Variants in TBC1D2B observed in about 807,000 individuals in gnomAD.
The protein encoded by TBC1D2B is TBC1 domain family, member 2B.
Under a neutral mutation model 100.8 loss-of-function variants are expected in TBC1D2B, and 64 were observed. The observed-to-expected ratio is 0.64, with a 90% CI of 0.52 to 0.78. The LOEUF is 0.78. Among genes scored for constraint, TBC1D2B ranks in the 30% least tolerant of loss-of-function variants. TBC1D2B has a pLI of 0.00. For missense variants in TBC1D2B, 1,052 were observed against 1,218.4 expected (o/e 0.86, Z 2.03); for synonymous variants, 480 against 479.7 (o/e 1.00, Z -0.01).
At chr15:78,067,374 G>C (rs75866929) in intron 1 of TBC1D2B, among the ~76,000 whole-genome samples, 8,909 of 152,264 alleles carry the variant, frequency 0.059, 368 homozygotes, top group East Asian at 0.24. Flanking sequence ...CAGAGGCAAA[G>C]CTTGACTCCT....
chr15:78,000,738 C>T (rs74027705), intron 12 of TBC1D2B, among the ~76,000 whole-genome samples: 7,776 of 152,338 alleles, frequency 0.051, 398 homozygotes, highest in African/African-American at 0.12. Context: ...GACATACAGA[C>T]GAGGATGGCC....
intron 1 of TBC1D2B, among the ~76,000 whole-genome samples, chr15:78,071,524 T>C (rs918625674): frequency 6.6e-6 from 1 of 152,134 alleles, no homozygotes; most frequent in African/African-American, 2.4e-5. Flanking sequence ...GCATGAAATA[T>C]ATGAGACCCG....
chr15:78,059,729 T>C (rs1952800169), intron 1 of TBC1D2B, among the ~76,000 whole-genome samples: 3 of 152,168 alleles, frequency 2.0e-5, no homozygotes, highest in African/African-American at 7.2e-5. Flanking sequence ...AGACAGGCCC[T>C]GGCCACCTGT....
chr15:78,069,782 C>T (rs1021702790), intron 1 of TBC1D2B, among the ~76,000 whole-genome samples: 1 of 152,162 alleles, frequency 6.6e-6, no homozygotes, highest in African/African-American at 2.4e-5. Context: ...ATGGAGGCCC[C>T]AGAAGGAACT....
chr15:78,001,951 A>C (rs2071926568), intron 11 of TBC1D2B: 1 of 444,446 alleles, frequency 2.2e-6, no homozygotes, highest in African/African-American at 2.0e-5. Flanking sequence ...GCTGGTTTTC[A>C]ACAACACATC....
chr15:78,008,119 T>TA lies in TBC1D2B; in HGVS notation c.2388+877dup, dbSNP rs907084136. ...CTGGGCCACATGCGAAGGGCCGGCT[T>TA]ACGGGGAAGCCAGTGCTGGCAGCAG... On this transcript the variant is annotated intron_variant, in intron 10 of 12. Transcript: ENST00000300584. Among the ~76,000 whole-genome samples, 14 of 152,296 alleles carry TA rather than the reference T, an allele frequency of 9.2e-5. No homozygotes were observed. The South Asian group carries it at 2.5e-3, about 27-fold the overall frequency.
At position 78,003,382 on chromosome 15, in the gene TBC1D2B, G is replaced by A. The variant is rs2071969495; in HGVS notation, c.2497C>T (p.Leu833=). ...DYTLITFNWF[L]VVFVDSVVSD... ...ACGACACTATCCACAAATACCACCA[G>A]AAACCAGTTGAAAGTGATGAGAGTG... Residue 833 remains leucine, a synonymous_variant, in exon 11 of 13, where the codon CTG becomes TTG. Transcript: ENST00000300584. 6.2e-7 allele frequency: 1 copy of A among 1,613,924 alleles called. No homozygotes were observed. Among genetic ancestry groups the A allele is most frequent in the South Asian group, 1.1e-5 (1 of 91,082 alleles).
chr15:78,009,838 G>T (rs183075908), intron 9 of TBC1D2B, among the ~76,000 whole-genome samples: 1 of 151,698 alleles, frequency 6.6e-6, no homozygotes, highest in African/African-American at 2.4e-5. Context: ...AGCCAGGCGC[G>T]GTGGCGGGCG....
intron 1 of TBC1D2B, chr15:78,066,170 A>G (rs1235024589): frequency 4.5e-6 from 2 of 442,496 alleles, no homozygotes; most frequent in South Asian, 1.6e-5. Flanking sequence ...CACCATGATC[A>G]GCAAAGGGGA....
intron 1 of TBC1D2B, among the ~76,000 whole-genome samples, chr15:78,073,765 T>G (rs950455992): frequency 6.6e-6 from 1 of 151,668 alleles, no homozygotes; most frequent in African/African-American, 2.4e-5. Flanking sequence ...AGGTCAGGAG[T>G]TCGAGACCAG....
At chr15:78,057,820 G>A (rs936404337) in intron 1 of TBC1D2B, among the ~76,000 whole-genome samples, 28 of 152,212 alleles carry the variant, frequency 1.8e-4, no homozygotes, top group African/African-American at 6.5e-4. Flanking sequence ...AACACACACA[G>A]GTTCTAAGAC....
At chr15:78,031,574 A>AAAAG (rs1452770906) in intron 3 of TBC1D2B, among the ~76,000 whole-genome samples, 2 of 147,502 alleles carry the variant, frequency 1.4e-5, no homozygotes, top group South Asian at 2.1e-4. Flanking sequence ...AAAAAAAAAA[A>AAAAG]AGAGAGAGAG....
chr15:78,055,755 T>C (rs2073409117), intron 1 of TBC1D2B, among the ~76,000 whole-genome samples: 1 of 152,254 alleles, frequency 6.6e-6, no homozygotes, highest in Admixed American at 6.5e-5. Context: ...ACCAGCCAAG[T>C]TGCCATTTCA....
chr15:78,033,582 T>C (rs2072871630), intron 3 of TBC1D2B, among the ~76,000 whole-genome samples: 1 of 152,202 alleles, frequency 6.6e-6, no homozygotes. Flanking sequence ...ATTATGGAGG[T>C]GTTTACATCG....
chr15:78,072,096 A>C (rs778215300), intron 1 of TBC1D2B, among the ~76,000 whole-genome samples: 3 of 152,204 alleles, frequency 2.0e-5, no homozygotes, highest in Non-Finnish European at 4.4e-5. Flanking sequence ...TCTAAATATC[A>C]TCACACTGGG....
intron 1 of TBC1D2B, among the ~76,000 whole-genome samples, chr15:78,068,383 CCACACACACACACA>C (rs35403620): frequency 2.9e-4 from 42 of 143,010 alleles, no homozygotes; most frequent in African/African-American, 9.7e-4. Flanking sequence ...CACACCACAC[CCACACACACACACA>C]CACACACACA....
intron 8 of TBC1D2B, among the ~76,000 whole-genome samples, chr15:78,016,016 G>A (rs1459911919): frequency 6.6e-6 from 1 of 152,144 alleles, no homozygotes; most frequent in African/African-American, 2.4e-5. Context: ...GGAAACAAGA[G>A]GCTGAACTGC....
chr15:78,002,616 A>G (rs1249612793), intron 11 of TBC1D2B: 1 of 151,612 alleles, frequency 6.6e-6, no homozygotes, highest in East Asian at 1.9e-4. Context: ...TACTTTCTCT[A>G]ATTTAGTTTG....
chr15:78,054,182 G>A lies in TBC1D2B; in HGVS notation c.366C>T (p.Pro122=). The change falls in exon 2 of 13, where the codon CCC becomes CCT. Residue 122 remains proline (P), a synonymous_variant. Transcript: ENST00000300584. ...ACCAGTAAGTCATGAGTTGACGATT[G>A]GGAGCCTAGAAAGAGGGAGGGGAAA... ...SAGAVTVLKA[P]NRQLMTYWLQ... is the part of the protein sequence containing the mutation. 7 of 1,609,244 alleles carry A rather than the reference G, an allele frequency of 4.3e-6. No individual in the cohort carries two copies. Among genetic ancestry groups the A allele is most frequent in the Non-Finnish European group, 5.9e-6 (7 of 1,178,498 alleles).
Sources: allele counts gnomAD v4.1 joint callset (sites outside exome capture counted in the v4.1 genomes callset), GRCh38; gene constraint gnomAD v4.1.1; transcripts MANE v1.5; gene names NCBI Gene and HGNC (gene_info 2026-07-23, HGNC 2026-07-21).